Variants in MITF observed in about 807,000 individuals in gnomAD.
MITF encodes melanocyte inducing transcription factor.
A neutral mutation model predicts 60.5 loss-of-function variants in MITF; 17 were observed. The ratio of observed to expected loss-of-function variants is 0.28; its 90% CI spans 0.19 to 0.42. The LOEUF is 0.42. Among genes scored for constraint, MITF ranks in the 10% least tolerant of loss-of-function variants. The pLI, the probability that MITF is intolerant of heterozygous loss-of-function variation, is 1.00. For missense variants in MITF, 622 were observed against 683.5 expected, an observed-to-expected ratio of 0.91 and a Z score of 1.00; for synonymous variants, 260 against 248.5, an observed-to-expected ratio of 1.05 and a Z score of -0.43.
At chr3:69,749,770 A>G (rs1703860009) in intron 1 of MITF, among the ~76,000 whole-genome samples, 2 of 152,224 alleles carry the variant, frequency 1.3e-5, no homozygotes, top group African/African-American at 2.4e-5. Flanking sequence ...GGCTTATGGT[A>G]TATTAAACAA....
rs113604016 is a variant in MITF at position 69,943,410 on chromosome 3, A to T, written c.762+2079A>T. Among the ~76,000 whole-genome samples the T allele has an allele frequency of 7.6e-3, 1,159 of 151,894 alleles. 9 individuals are homozygous for T. Among genetic ancestry groups the T allele is most frequent in the African/African-American group, 0.026 (1,087 of 41,448 alleles). ...CTTGCATGTTATTTAGCTTCCTGAA[A>T]CCCTACATTTCCCCATCTGTAAAAT... On this transcript the variant is annotated intron_variant, in intron 5 of 9. Transcript: ENST00000352241.
At chr3:69,919,817 GT>G (rs34303110) in intron 2 of MITF, among the ~76,000 whole-genome samples, 2 of 150,658 alleles carry the variant, frequency 1.3e-5, no homozygotes, top group Admixed American at 6.6e-5. Context: ...ATTTGCTGGG[GT>G]TTTTTTTTGT....
rs1243722498 is a variant in MITF at position 69,959,174 on chromosome 3, AT to A, written c.1032-95del. 7 of 1,426,226 alleles carry A rather than the reference AT, an allele frequency of 4.9e-6. No individual in the cohort carries two copies. In the African/African-American group the frequency reaches 5.9e-5, roughly 12 times the overall value. The allele number at this position is 1,426,226 out of a possible 1,614,324, so 88.3% of individuals were successfully genotyped here. ...CCCAAAACTATTGAAATAAAAAAAA[AT>A]TTTAAAAAGTTCAAAAAGAAATGGA... On this transcript the variant is annotated intron_variant, in intron 8 of 9. Transcript: ENST00000352241.
intron 2 of MITF, among the ~76,000 whole-genome samples, chr3:69,888,306 G>A (rs1575888803): frequency 6.6e-6 from 1 of 152,056 alleles, no homozygotes. Context: ...TCTGAACACT[G>A]CATGGTAGTT....
At chr3:69,853,863 CTTTTT>C (rs571942610) in intron 1 of MITF, among the ~76,000 whole-genome samples, 2 of 135,618 alleles carry the variant, frequency 1.5e-5, no homozygotes, top group Admixed American at 7.5e-5. Context: ...TCTCTTTCGT[CTTTTT>C]TTTTTTTTTT....
intron 2 of MITF, among the ~76,000 whole-genome samples, chr3:69,900,418 A>G (rs369515996): frequency 5.3e-5 from 8 of 152,184 alleles, no homozygotes; most frequent in African/African-American, 1.9e-4. Context: ...TTAGTTTTGC[A>G]TAACATGTGT....
At chr3:69,767,284 G>C (rs1327328483) in intron 1 of MITF, among the ~76,000 whole-genome samples, 1 of 152,078 alleles carries the variant, frequency 6.6e-6, no homozygotes, top group Non-Finnish European at 1.5e-5. Context: ...TATGATGCTA[G>C]GTCTGTAATT....
chr3:69,960,569 A>G (rs2066516552), intron 9 of MITF, among the ~76,000 whole-genome samples: 1 of 152,130 alleles, frequency 6.6e-6, no homozygotes, highest in Non-Finnish European at 1.5e-5. Context: ...TAATTTGCTG[A>G]CTTTGAACAC....
intron 1 of MITF, among the ~76,000 whole-genome samples, chr3:69,798,660 A>G (rs1256999408): frequency 6.6e-6 from 1 of 152,184 alleles, no homozygotes; most frequent in Non-Finnish European, 1.5e-5. Flanking sequence ...CTCTGTTTCT[A>G]TAAAGACCCA....
At chr3:69,839,443 C>G (rs1394037732) in intron 1 of MITF, among the ~76,000 whole-genome samples, 2 of 142,460 alleles carry the variant, frequency 1.4e-5, no homozygotes, top group African/African-American at 5.2e-5. Context: ...TTTGTGATTA[C>G]TTTTTTTTTT....
At chr3:69,761,263 A>G (rs2062208452) in intron 1 of MITF, among the ~76,000 whole-genome samples, 1 of 152,226 alleles carries the variant, frequency 6.6e-6, no homozygotes, top group South Asian at 2.1e-4. Flanking sequence ...TTATAAACAT[A>G]GTAAGGCACT....
intron 1 of MITF, among the ~76,000 whole-genome samples, chr3:69,855,138 C>T (rs2063893918): frequency 6.6e-6 from 1 of 151,498 alleles, no homozygotes; most frequent in Admixed American, 6.6e-5. Context: ...GGTCTACATT[C>T]TGCCTACGTG....
In MITF at chr3:69,951,112, T is replaced by TG. The variant is rs755303083; in HGVS notation, c.881-700_881-699insG. On this transcript the variant is annotated intron_variant, in intron 6 of 9. Coordinates refer to ENST00000352241, the MANE Select transcript of MITF (RefSeq NM_001354604.2). Reference sequence around the variant, plus strand: ...TGGCAGCTTTTTTTTTTTTTTTTTTTTTTGAGACAGGGTCTCTCTGTGTCT... The same window carrying TG: ...TGGCAGCTTTTTTTTTTTTTTTTTTTGTTTGAGACAGGGTCTCTCTGTGTCT... Among the ~76,000 whole-genome samples, 1,386 of 150,094 alleles carry TG rather than the reference T, an allele frequency of 9.2e-3. 9 individuals carry two copies. Among genetic ancestry groups the TG allele is most frequent in the Non-Finnish European group, 0.016 (1,068 of 67,362 alleles).
At chr3:69,939,312 T>C in intron 4 of MITF, 131 bp downstream of exon 4, 2 of 780,918 alleles carry the variant, frequency 2.6e-6, no homozygotes, top group Non-Finnish European at 2.1e-6. Flanking sequence ...TAGAGAAAGC[T>C]AGGAACATTG....
At chr3:69,801,718 G>A (rs1332710539) in intron 1 of MITF, among the ~76,000 whole-genome samples, 1 of 152,182 alleles carries the variant, frequency 6.6e-6, no homozygotes, top group African/African-American at 2.4e-5. Flanking sequence ...TAAGAAAAAT[G>A]TTTGAAGGAG....
At chr3:69,824,218 C>T (rs2063320708) in intron 1 of MITF, among the ~76,000 whole-genome samples, 1 of 152,160 alleles carries the variant, frequency 6.6e-6, no homozygotes, top group Non-Finnish European at 1.5e-5. Context: ...GCACTTGACT[C>T]CAAAAGGAGT....
At chr3:69,777,614 C>T (rs896688450) in intron 1 of MITF, among the ~76,000 whole-genome samples, 1 of 151,960 alleles carries the variant, frequency 6.6e-6, no homozygotes, top group African/African-American at 2.4e-5. Context: ...TGCTAATGGT[C>T]GCATCAAGGC....
At chr3:69,877,730 C>T (rs765335440) in intron 1 of MITF, among the ~76,000 whole-genome samples, 5 of 152,120 alleles carry the variant, frequency 3.3e-5, no homozygotes, top group Non-Finnish European at 7.4e-5. Context: ...TTGTTACCTT[C>T]AGAGCCTGAA....
chr3:69,876,409 C>A (rs1272538500), intron 1 of MITF, among the ~76,000 whole-genome samples: 1 of 151,944 alleles, frequency 6.6e-6, no homozygotes, highest in Non-Finnish European at 1.5e-5. Context: ...AACTGTTCCC[C>A]CCGCGCTTCC....
Sources: allele counts gnomAD v4.1 joint callset (sites outside exome capture counted in the v4.1 genomes callset), GRCh38; gene constraint gnomAD v4.1.1; transcripts MANE v1.5; gene names NCBI Gene and HGNC (gene_info 2026-07-23, HGNC 2026-07-21).